POLQ: variants seen among roughly 807,000 people sequenced by gnomAD.
POLQ encodes DNA polymerase theta, also known as epididymis secretory sperm binding protein.
POLQ carries 233 observed loss-of-function variants against 259.2 expected under a neutral mutation model. The ratio of observed to expected loss-of-function variants is 0.90; its 90% confidence interval spans 0.81 to 1.00. The LOEUF (loss-of-function observed/expected upper bound fraction) is 1.00. Among genes scored for constraint, POLQ ranks in the 50% least tolerant of loss-of-function variants. POLQ has a pLI of 0.00. For missense variants in POLQ, 2,871 were observed against 3,051.6 expected (o/e 0.94, Z 1.39); for synonymous variants, 1,025 against 1,048.8 (o/e 0.98, Z 0.44).
At chr3:121,504,793 A>C (rs1467891708) in intron 12 of POLQ, among the ~76,000 whole-genome samples, 1 of 152,088 alleles carries the variant, frequency 6.6e-6, no homozygotes, top group African/African-American at 2.4e-5. Flanking sequence ...TAGTTTTTTT[A>C]TTTCACAGGC....
chr3:121,491,061 T>A (rs919439269), intron 15 of POLQ, among the ~76,000 whole-genome samples: 36 of 150,884 alleles, frequency 2.4e-4, no homozygotes, highest in South Asian at 4.2e-4. Flanking sequence ...ATTAAAAAAA[T>A]TTTTTAAAAG....
At position 121,453,920 on chromosome 3, in the gene POLQ, A is replaced by T. The variant is rs2047705118; in HGVS notation, c.7153-4494T>A. On this transcript the variant is annotated intron_variant, in intron 25 of 29. Coordinates refer to ENST00000264233, the MANE Select transcript of POLQ (RefSeq NM_199420.4). ...TCCTCGAGAAGAGCAACTCCAAGAC[A>T]CATAATTGTCAGATTCACCAAAGTT... is the stretch of plus-strand genomic sequence containing the variant. Among the ~76,000 whole-genome samples, 6 of 152,210 alleles carry T rather than the reference A, an allele frequency of 3.9e-5. No homozygotes were observed. In the South Asian group the frequency reaches 1.2e-3, roughly 31 times the overall value.
Position 121,540,184 on chromosome 3 carries a change from G to A in POLQ, c.475-595C>T, listed in dbSNP as rs79893586. Among the ~76,000 whole-genome samples, 5 of 152,036 alleles carry A rather than the reference G, an allele frequency of 3.3e-5. No homozygotes were observed. In the East Asian group the frequency reaches 9.6e-4, roughly 29 times the overall value. ...TGTATGACCAGCTTTGTTGGCTACT[G>A]TGCCTCTGAAATAACTATTAAAAAG... On this transcript the variant is annotated intron_variant, in intron 3 of 29. Transcript: ENST00000264233.
intron 12 of POLQ, among the ~76,000 whole-genome samples, chr3:121,506,106 A>G (rs1490110765): frequency 1.3e-5 from 2 of 151,908 alleles, no homozygotes; most frequent in Non-Finnish European, 2.9e-5. Context: ...ATAATTTCAG[A>G]GCAAAAAAAA....
intron 12 of POLQ, among the ~76,000 whole-genome samples, chr3:121,503,608 T>C (rs2048188842): frequency 6.6e-6 from 1 of 152,006 alleles, no homozygotes; most frequent in South Asian, 2.1e-4. Flanking sequence ...CATAGCAAAA[T>C]GTATAGCTGT....
chr3:121,457,169 C>A (rs1402748620), intron 25 of POLQ, among the ~76,000 whole-genome samples: 1 of 152,184 alleles, frequency 6.6e-6, no homozygotes, highest in African/African-American at 2.4e-5. Context: ...GCTGGGAAAA[C>A]TGGCTAGCCA....
rs145250350 is a variant in POLQ, at chr3:121,490,156, G to T, written c.2775C>A (p.Ser925=). The T allele has an allele frequency of 5.0e-6, 8 of 1,610,046 alleles. No homozygotes were observed. The highest frequency in any genetic ancestry group is 6.8e-6 in the Non-Finnish European group (8 of 1,177,150). The change falls in exon 16 of 30, where the codon TCC becomes TCA. Residue 925 remains serine, a synonymous_variant. Transcript: ENST00000264233. ...ESEVKEHTFI[S]QTKSSYKKLT... Reference sequence around the variant, plus strand: ...ATTTTTTATAAGAACTCTTAGTTTGGGATATAAATGTGTGTTCCTTTACTT... The same window carrying T: ...ATTTTTTATAAGAACTCTTAGTTTGTGATATAAATGTGTGTTCCTTTACTT...
At chr3:121,480,865 G>A (rs1363651151) in intron 19 of POLQ, among the ~76,000 whole-genome samples, 2 of 152,104 alleles carry the variant, frequency 1.3e-5, no homozygotes, top group African/African-American at 2.4e-5. Flanking sequence ...ACCCTAGTCT[G>A]TATGAATTCA....
At position 121,490,412 on chromosome 3, in the gene POLQ, C is replaced by A. The variant is rs1006762927; in HGVS notation, c.2523-4G>T. ...CTCATCCACTGCCTTCCGGGCACTA[C>A]ACAAGGAGATGGGAAAAGACAGAAA... is the stretch of plus-strand genomic sequence containing the variant. On this transcript the variant is annotated splice_polypyrimidine_tract_variant and splice_region_variant and intron_variant, in intron 15 of 29. Transcript: ENST00000264233. 2 of 1,610,550 alleles carry A rather than the reference C, an allele frequency of 1.2e-6. No homozygotes were observed. The highest frequency in any genetic ancestry group is 2.2e-5 in the East Asian group (1 of 44,850).
Position 121,432,268 on chromosome 3 carries a change from A to AC in POLQ, c.*35dup, listed in dbSNP as rs1290531671. The AC allele has an allele frequency of 6.4e-7, 1 of 1,565,174 alleles. No individual in the cohort carries two copies. Among genetic ancestry groups the AC allele is most frequent in the Non-Finnish European group, 8.6e-7 (1 of 1,161,334 alleles). On this transcript the variant is annotated 3_prime_UTR_variant, in exon 30 of 30. Coordinates refer to ENST00000264233, the MANE Select transcript of POLQ (RefSeq NM_199420.4). The stretch of plus-strand genomic sequence containing the variant: ...GTTCTTTCCAGGTGACTGCATCTGC[A>AC]CAGGCTTCCCTGGGAGGACTTCATC...
chr3:121,444,236 A>G (rs969159856), intron 26 of POLQ, among the ~76,000 whole-genome samples: 1 of 151,668 alleles, frequency 6.6e-6, no homozygotes, highest in Non-Finnish European at 1.5e-5. Context: ...AACATGGAAT[A>G]TTTTTTCATA....
intron 25 of POLQ, among the ~76,000 whole-genome samples, chr3:121,453,584 G>A (rs1428488659): frequency 2.6e-5 from 4 of 152,184 alleles, no homozygotes; most frequent in East Asian, 3.8e-4. Flanking sequence ...TGAGAACTAC[G>A]TGAAGAATGC....
intron 12 of POLQ, among the ~76,000 whole-genome samples, chr3:121,500,969 T>C (rs2048162760): frequency 6.6e-6 from 1 of 152,124 alleles, no homozygotes; most frequent in Admixed American, 6.5e-5. Flanking sequence ...AACTAAACAT[T>C]GTTTTTTCTT....
chr3:121,490,335 C>T lies in POLQ; in HGVS notation c.2596G>A (p.Gly866Ser), dbSNP rs769655895. 6.2e-7 allele frequency: 1 copy of T among 1,614,202 alleles called. No homozygotes were observed. Among genetic ancestry groups the T allele is most frequent in the Admixed American group, 1.7e-5 (1 of 60,030 alleles). Reference sequence around the variant, plus strand: ...TCCCTTTCAGTTAAACCTTTTCTGCCAGTCACCCAGATAGTTCGCATATTG... The same window carrying T: ...TCCCTTTCAGTTAAACCTTTTCTGCTAGTCACCCAGATAGTTCGCATATTG... ...RRNMRTIWVTGRKGLTEREAA... is the reference protein window; with the variant it reads ...RRNMRTIWVTSRKGLTEREAA... The change falls in exon 16 of 30, where the codon GGC (glycine) becomes AGC (serine). Residue 866 changes from glycine (G) to serine (S), a missense_variant. Gly to Ser is a moderately conservative substitution (Grantham distance 56). Coordinates refer to ENST00000264233, the MANE Select transcript of POLQ (RefSeq NM_199420.4).
chr3:121,490,583 A>G, intron 15 of POLQ, 175 bp from the exon 16 acceptor site: 1 of 619,662 alleles, frequency 1.6e-6, no homozygotes, highest in Non-Finnish European at 2.8e-6. Context: ...AAATAAACAA[A>G]AAGTTTAAAA....
At chr3:121,531,826 C>T (rs770835306) in intron 6 of POLQ, among the ~76,000 whole-genome samples, 1 of 152,144 alleles carries the variant, frequency 6.6e-6, no homozygotes, top group African/African-American at 2.4e-5. Flanking sequence ...CATAGCCAGG[C>T]GAAATATGGG....
chr3:121,519,840 T>C, intron 9 of POLQ, 31 bp downstream of exon 9: 1 of 1,195,646 alleles, frequency 8.4e-7, no homozygotes, highest in Non-Finnish European at 1.3e-6. Flanking sequence ...CCTTCAGCAA[T>C]GCTGCTACAA....
chr3:121,489,836 G>A lies in POLQ; in HGVS notation c.3095C>T (p.Ser1032Leu), dbSNP rs2048050826. 1 of 1,611,434 alleles carries A rather than the reference G, an allele frequency of 6.2e-7. No homozygotes were observed. The highest frequency in any genetic ancestry group is 1.3e-5 in the African/African-American group (1 of 74,732). The part of the protein sequence containing the change: ...KTKKAPLNFN[S>L]EKMSRSFRSW... ...TCGAAAACTTCTGCTCATCTTTTCT[G>A]AATTGAAATTCAAAGGTGCCTTTTT... The change falls in exon 16 of 30, where the codon TCA becomes TTA. Residue 1032 changes from serine (S) to leucine (L), a missense_variant. Physicochemically the swap from Ser to Leu is moderately radical, Grantham distance 145. Around this residue, in one of 3 missense-constraint regions of POLQ, gnomAD observed 2,080 missense variants for 2,126.0 expected, o/e 0.98. Coordinates refer to ENST00000264233, the MANE Select transcript of POLQ (RefSeq NM_199420.4).
At chr3:121,441,094 C>G (rs1218656911) in intron 26 of POLQ, among the ~76,000 whole-genome samples, 1 of 152,116 alleles carries the variant, frequency 6.6e-6, no homozygotes, top group Non-Finnish European at 1.5e-5. Flanking sequence ...TTTCCAAAAG[C>G]CACTGGACTC....
Sources: gnomAD v4.1 joint callset for allele counts (sites outside exome capture counted in the v4.1 genomes callset) on GRCh38, gnomAD v4.1.1 for gene constraint, gnomAD v4.1.1 regional missense constraint, MANE v1.5 for transcripts, NCBI Gene and HGNC (gene_info 2026-07-23, HGNC 2026-07-21) for gene names.